ADAM22: variants seen among roughly 807,000 people sequenced by gnomAD.
The protein encoded by ADAM22 is disintegrin and metalloproteinase domain-containing protein 22.
A neutral mutation model predicts 144.6 loss-of-function variants in ADAM22; 65 were observed. The ratio of observed to expected loss-of-function variants is 0.45; its 90% CI spans 0.37 to 0.55. ADAM22 has a LOEUF of 0.55. Ranked by LOEUF, ADAM22 falls within the 20% of genes least tolerant of loss-of-function variation. The probability of loss-of-function intolerance (pLI) is 0.00; values close to 1 mark genes in which losing one functional copy is unlikely to be tolerated. For synonymous variants in ADAM22, 391 were observed against 412.6 expected, an observed-to-expected ratio of 0.95 and a Z score of 0.63; for missense variants, 974 against 1,184.9, an observed-to-expected ratio of 0.82 and a Z score of 2.61.
intron 3 of ADAM22, among the ~76,000 whole-genome samples, chr7:87,978,812 A>G (rs1239735094): frequency 1.3e-5 from 2 of 152,218 alleles, no homozygotes; most frequent in Non-Finnish European, 2.9e-5. Context: ...GCTGCATGAT[A>G]TGTGATGTTA....
At chr7:87,953,430 G>T (rs1326265027) in intron 2 of ADAM22, among the ~76,000 whole-genome samples, 1 of 152,152 alleles carries the variant, frequency 6.6e-6, no homozygotes, top group Non-Finnish European at 1.5e-5. Context: ...AGGTTGTTCA[G>T]TTTCCATGTA....
chr7:88,171,622 G>A (rs1184420158), intron 26 of ADAM22, 61 bp downstream of exon 26: 2 of 1,402,352 alleles, frequency 1.4e-6, no homozygotes, highest in African/African-American at 1.5e-5. Context: ...TAGCATTGTT[G>A]GAATTCATAC....
chr7:88,194,301 CT>C (rs1198604724), intron 31 of ADAM22, among the ~76,000 whole-genome samples: 1 of 152,164 alleles, frequency 6.6e-6, no homozygotes, highest in Non-Finnish European at 1.5e-5. Context: ...ACACAAGAGC[CT>C]GTAAAAATGA....
Position 87,983,227 on chromosome 7 carries a change from A to G in ADAM22, c.323+4815A>G, listed in dbSNP as rs181154746. On this transcript the variant is annotated intron_variant, in intron 3 of 31. Coordinates refer to ENST00000413139, the MANE Select transcript of ADAM22 (RefSeq NM_001324418.2). Reference sequence around the variant, plus strand: ...TCATTCTTCCTTTGGAATTTATTGTACTGTCACTAAACTTATATTTTAATT... The same window carrying G: ...TCATTCTTCCTTTGGAATTTATTGTGCTGTCACTAAACTTATATTTTAATT... 2.0e-5 allele frequency among the ~76,000 whole-genome samples: 3 copies of G among 152,226 alleles called. No homozygotes were observed. The East Asian group carries it at 5.8e-4, about 29-fold the overall frequency.
chr7:88,134,207 C>A, intron 12 of ADAM22, 122 bp from the exon 13 acceptor site: 1 of 673,318 alleles, frequency 1.5e-6, no homozygotes, highest in Non-Finnish European at 2.4e-6. Context: ...GTGTGTTCAG[C>A]CTCTTCTAAA....
intron 4 of ADAM22, among the ~76,000 whole-genome samples, chr7:88,087,917 CA>C (rs1818840335): frequency 6.6e-6 from 1 of 152,068 alleles, no homozygotes; most frequent in Non-Finnish European, 1.5e-5. Flanking sequence ...GAATTGAGTG[CA>C]CTCAAGAATC....
At chr7:88,155,193 A>G (rs1839591331) in intron 21 of ADAM22, among the ~76,000 whole-genome samples, 1 of 152,098 alleles carries the variant, frequency 6.6e-6, no homozygotes, top group Non-Finnish European at 1.5e-5. Context: ...CTGTATTCCA[A>G]AAGAATGCTC....
chr7:87,970,210 C>T (rs1016090301), intron 2 of ADAM22, among the ~76,000 whole-genome samples: 6 of 151,562 alleles, frequency 4.0e-5, no homozygotes, highest in East Asian at 2.0e-4. Flanking sequence ...TTGCCTTTTC[C>T]GATGTAGAAA....
At position 88,179,009 on chromosome 7, in the gene ADAM22, T is replaced by G. The variant is rs1299628589; in HGVS notation, c.2375T>G (p.Val792Gly). 1 of 1,613,178 alleles carries G rather than the reference T, an allele frequency of 6.2e-7. No homozygotes were observed. The highest frequency in any genetic ancestry group is 1.3e-5 in the African/African-American group (1 of 74,868). ...TTTTATAGCGACATTCCTCCCGGAG[T>G]CAGCACAAACTCAGCATCTAGTTCT... ...DSFYSDIPPGVSTNSASSSKK... is the reference protein window; with the variant it reads ...DSFYSDIPPGGSTNSASSSKK... The change falls in exon 27 of 32, where the codon GTC becomes GGC. Residue 792 changes from valine (V) to glycine (G), a missense_variant. By Grantham distance (109) the Val-to-Gly change is moderately radical (BLOSUM62 -3). Transcript: ENST00000413139.
At chr7:88,111,279 TA>T (rs1422622048) in intron 5 of ADAM22, among the ~76,000 whole-genome samples, 1 of 152,202 alleles carries the variant, frequency 6.6e-6, no homozygotes, top group Non-Finnish European at 1.5e-5. Context: ...AAATATTGAA[TA>T]ATGTATGTTG....
At chr7:88,069,447 TTC>T (rs1379985935) in intron 3 of ADAM22, among the ~76,000 whole-genome samples, 1 of 152,194 alleles carries the variant, frequency 6.6e-6, no homozygotes, top group Non-Finnish European at 1.5e-5. Flanking sequence ...ACAATATCAC[TTC>T]TGTCTCATAT....
intron 4 of ADAM22, among the ~76,000 whole-genome samples, chr7:88,089,680 A>G (rs1169109519): frequency 1.3e-5 from 2 of 152,208 alleles, no homozygotes; most frequent in Non-Finnish European, 2.9e-5. Context: ...TCACCTAGAC[A>G]GTAATTAAGT....
chr7:87,995,863 C>T (rs1343881207), intron 3 of ADAM22, among the ~76,000 whole-genome samples: 1 of 152,160 alleles, frequency 6.6e-6, no homozygotes, highest in African/African-American at 2.4e-5. Context: ...AAACTGTTCT[C>T]ACTCATATTC....
At chr7:88,151,342 A>G (rs1252996644) in intron 20 of ADAM22, 22 bp downstream of exon 20, 3 of 1,613,712 alleles carry the variant, frequency 1.9e-6, no homozygotes, top group Non-Finnish European at 2.5e-6. Flanking sequence ...GTGTGGCTTG[A>G]TCATTGTTAA....
chr7:88,052,186 C>T (rs1025319346), intron 3 of ADAM22, among the ~76,000 whole-genome samples: 10 of 151,880 alleles, frequency 6.6e-5, no homozygotes, highest in Admixed American at 3.9e-4. Flanking sequence ...ACAAAGACCT[C>T]GGGCTTTAGC....
intron 3 of ADAM22, among the ~76,000 whole-genome samples, chr7:88,051,102 G>T (rs1806209937): frequency 6.6e-6 from 1 of 152,158 alleles, no homozygotes; most frequent in African/African-American, 2.4e-5. Flanking sequence ...ACACGTTGGT[G>T]GGATTGTAAA....
chr7:88,129,484 TAAC>T (rs1164924527), intron 9 of ADAM22, among the ~76,000 whole-genome samples: 10 of 152,032 alleles, frequency 6.6e-5, no homozygotes, highest in Admixed American at 5.9e-4. Context: ...ATAATAATAA[TAAC>T]AACACAATCA....
intron 20 of ADAM22, among the ~76,000 whole-genome samples, chr7:88,152,633 A>G (rs1838765720): frequency 6.6e-6 from 1 of 152,138 alleles, no homozygotes; most frequent in South Asian, 2.1e-4. Context: ...ATATTCAAGG[A>G]AATATTTGTT....
chr7:87,953,237 G>A (rs28794871), intron 2 of ADAM22, among the ~76,000 whole-genome samples: 80,761 of 151,726 alleles, frequency 0.53, 21,830 homozygotes, highest in African/African-American at 0.55. Flanking sequence ...TGATGTTAGG[G>A]TGTCAGTATT....
Sources: allele counts gnomAD v4.1 joint callset (sites outside exome capture counted in the v4.1 genomes callset), GRCh38; gene constraint gnomAD v4.1.1; transcripts MANE v1.5; gene names NCBI Gene and HGNC (gene_info 2026-07-23, HGNC 2026-07-21).